Variants in DNAH12 observed in about 807,000 individuals in gnomAD.
DNAH12 encodes axonemal beta dynein heavy chain 12.
DNAH12 carries 285 observed loss-of-function variants against 371.5 expected under a neutral mutation model. That is an observed-to-expected ratio of 0.77 (90% confidence interval 0.70 to 0.85). The LOEUF is 0.85. Among genes scored for constraint, DNAH12 ranks in the 40% least tolerant of loss-of-function variants. DNAH12 has a pLI of 0.00. For synonymous variants in DNAH12, 1,200 were observed against 1,213.0 expected, an observed-to-expected ratio of 0.99 and a Z score of 0.22; for missense variants, 3,611 against 3,689.4, an observed-to-expected ratio of 0.98 and a Z score of 0.55.
At chr3:57,507,584 T>C (rs2067808702) in intron 8 of DNAH12, 59 bp downstream of exon 8, 1 of 1,234,050 alleles carries the variant, frequency 8.1e-7, no homozygotes, top group Admixed American at 3.2e-5. Flanking sequence ...AGAATTCTAT[T>C]TAAAATATTG....
At chr3:57,329,265 GC>G (rs2062030294) in intron 62 of DNAH12, among the ~76,000 whole-genome samples, 1 of 138,070 alleles carries the variant, frequency 7.2e-6, no homozygotes, top group Non-Finnish European at 1.5e-5. Flanking sequence ...TCAATCCTAA[GC>G]CAAAAGAACA....
Position 57,461,657 on chromosome 3 carries a change from C to G in DNAH12, c.2568G>C (p.Met856Ile). The change falls in exon 19 of 74, where the codon ATG (methionine) becomes ATC (isoleucine). Residue 856 changes from methionine to isoleucine, a missense_variant. By Grantham distance (10) the Met-to-Ile change is conservative (BLOSUM62 1). This residue lies in a region of DNAH12 where 1,314 missense variants were observed against 1,398.7 expected (regional missense o/e 0.94). Transcript: ENST00000495027. ...AAGCAATATCTTCCCAAGTTCCTAT[C>G]ATTGTATTCATGGCTTTCTCTAATG... ...EFSLEKAMNT[M>I]IGTWEDIAFH... The G allele has an allele frequency of 6.4e-7, 1 of 1,550,936 alleles. No homozygotes were observed.
chr3:57,314,577 T>C lies in DNAH12; in HGVS notation c.10579A>G (p.Arg3527Gly). The C allele has an allele frequency of 6.4e-7, 1 of 1,551,266 alleles. No individual in the cohort carries two copies. The highest frequency in any genetic ancestry group is 1.2e-5 in the South Asian group (1 of 83,942). Reference protein sequence around the residue: ...VCFFHALVQERKKFGPLGWNI... With the variant: ...VCFFHALVQEGKKFGPLGWNI... Reference sequence around the variant, plus strand: ...CAACCAAGAGGACCAAATTTCTTTCTCTCTTGCACAAGGGCATGAAAAAAA... The same window carrying C: ...CAACCAAGAGGACCAAATTTCTTTCCCTCTTGCACAAGGGCATGAAAAAAA... The change falls in exon 66 of 74, where the codon AGA becomes GGA. Residue 3527 changes from arginine to glycine, a missense_variant. Transcript: ENST00000495027.
intron 66 of DNAH12, among the ~76,000 whole-genome samples, chr3:57,312,066 G>T (rs1421155658): frequency 1.3e-5 from 2 of 152,006 alleles, no homozygotes; most frequent in Non-Finnish European, 2.9e-5. Flanking sequence ...ATGTGTATTG[G>T]GATGGTATAA....
chr3:57,547,227 G>C (rs945124341), upstream of DNAH12, among the ~76,000 whole-genome samples: 1 of 150,834 alleles, frequency 6.6e-6, no homozygotes, highest in Non-Finnish European at 1.5e-5. Context: ...TATAGATATA[G>C]ATATAGATAT....
intron 62 of DNAH12, among the ~76,000 whole-genome samples, chr3:57,330,648 T>G (rs1358575502): frequency 3.3e-5 from 5 of 150,834 alleles, no homozygotes; most frequent in African/African-American, 9.8e-5. Context: ...CACCAGCATG[T>G]CACATGTATA....
At chr3:57,397,942 C>T (rs2063779287) in intron 43 of DNAH12, among the ~76,000 whole-genome samples, 1 of 151,912 alleles carries the variant, frequency 6.6e-6, no homozygotes, top group Non-Finnish European at 1.5e-5. Context: ...AAATAAAGCT[C>T]CAGAAACCAA....
At chr3:57,322,292 T>C (rs2061824702) in intron 65 of DNAH12, 51 bp downstream of exon 65, 3 of 1,458,228 alleles carry the variant, frequency 2.1e-6, no homozygotes, top group African/African-American at 2.9e-5. Flanking sequence ...TACACTTCCA[T>C]ATTTGATCAC....
chr3:57,407,994 A>T (rs1553681848), intron 40 of DNAH12, among the ~76,000 whole-genome samples: 1 of 152,200 alleles, frequency 6.6e-6, no homozygotes, highest in Admixed American at 6.5e-5. Flanking sequence ...TGTTTTCCTT[A>T]TAACAACCTT....
chr3:57,495,033 A>T (rs978788142), intron 11 of DNAH12, among the ~76,000 whole-genome samples: 62 of 152,190 alleles, frequency 4.1e-4, no homozygotes, highest in African/African-American at 1.5e-3. Context: ...TACTAGAGAT[A>T]AACAGAGATA....
Position 57,507,819 on chromosome 3 carries a change from A to G in DNAH12, c.721T>C (p.Cys241Arg). The G allele has an allele frequency of 6.3e-7, 1 of 1,586,056 alleles. No individual in the cohort carries two copies. Among genetic ancestry groups the G allele is most frequent in the Non-Finnish European group, 8.5e-7 (1 of 1,174,100 alleles). Residue 241 changes from cysteine to arginine, a missense_variant, in exon 8 of 74, where the codon TGT becomes CGT. Physicochemically the swap from Cys to Arg is radical, Grantham distance 180. This residue lies in a region of DNAH12 where 1,314 missense variants were observed against 1,398.7 expected (regional missense o/e 0.94). Transcript: ENST00000495027. The stretch of plus-strand genomic sequence containing the variant: ...GATAGATCAGTTTTCAGTGATTCAC[A>G]GTCAATTGGACCTTTAGCTCTATTT... ...TGIRAKGPID[C>R]ESLKTDLSIQ...
At chr3:57,488,890 G>A (rs1429222720) in intron 12 of DNAH12, among the ~76,000 whole-genome samples, 3 of 152,038 alleles carry the variant, frequency 2.0e-5, no homozygotes, top group Non-Finnish European at 2.9e-5. Context: ...CAGCAGGCCC[G>A]ATGTGGCATG....
At chr3:57,402,525 T>C (rs1427816813) in intron 43 of DNAH12, 12 of 976,912 alleles carry the variant, frequency 1.2e-5, no homozygotes, top group Non-Finnish European at 1.7e-5. Context: ...CATTTATTTA[T>C]CTGAAATAAG....
At chr3:57,468,037 G>C (rs1250014114) in intron 17 of DNAH12, among the ~76,000 whole-genome samples, 1 of 152,198 alleles carries the variant, frequency 6.6e-6, no homozygotes, top group Non-Finnish European at 1.5e-5. Flanking sequence ...AGAGGTGGGA[G>C]TGAATACATT....
intron 59 of DNAH12, among the ~76,000 whole-genome samples, chr3:57,356,225 T>G (rs1350816740): frequency 6.6e-6 from 1 of 152,050 alleles, no homozygotes; most frequent in Non-Finnish European, 1.5e-5. Flanking sequence ...GCAGATTTCT[T>G]GAGTCCAGGA....
At chr3:57,513,623 A>G (rs1463438289) in intron 4 of DNAH12, among the ~76,000 whole-genome samples, 1 of 152,242 alleles carries the variant, frequency 6.6e-6, no homozygotes, top group African/African-American at 2.4e-5. Context: ...AAACTACAAC[A>G]GAAAAATGGG....
chr3:57,378,363 T>C (rs1338842494), intron 52 of DNAH12, among the ~76,000 whole-genome samples: 9 of 152,078 alleles, frequency 5.9e-5, no homozygotes, highest in African/African-American at 1.9e-4. Context: ...ACATCCTAGA[T>C]AAAATTAATT....
chr3:57,358,107 G>T (rs1219142301), intron 58 of DNAH12, among the ~76,000 whole-genome samples: 3 of 152,182 alleles, frequency 2.0e-5, no homozygotes, highest in Non-Finnish European at 4.4e-5. Context: ...GTATGCCTAT[G>T]TAGTCATGTT....
chr3:57,360,757 C>T (rs892872886), intron 58 of DNAH12, among the ~76,000 whole-genome samples: 1 of 152,118 alleles, frequency 6.6e-6, no homozygotes, highest in Non-Finnish European at 1.5e-5. Flanking sequence ...GGGAGCAGTG[C>T]AGAGATGATG....
Sources: gnomAD v4.1 joint callset for allele counts (sites outside exome capture counted in the v4.1 genomes callset) on GRCh38, gnomAD v4.1.1 for gene constraint, gnomAD v4.1.1 regional missense constraint, MANE v1.5 for transcripts, NCBI Gene and HGNC (gene_info 2026-07-23, HGNC 2026-07-21) for gene names.